ADORA2B: variants seen among roughly 807,000 people sequenced by gnomAD.
The protein encoded by ADORA2B is adenosine receptor A2b.
ADORA2B carries 18 observed loss-of-function variants against 20.8 expected under a neutral mutation model. The observed-to-expected ratio is 0.87, with a 90% CI of 0.60 to 1.29. ADORA2B has a LOEUF of 1.29. Ranked by LOEUF, ADORA2B falls within the 50% of genes most tolerant of loss-of-function variation. The probability of loss-of-function intolerance (pLI) is 0.00; values close to 1 mark genes in which losing one functional copy is unlikely to be tolerated. For synonymous variants in ADORA2B, 179 were observed against 178.3 expected (o/e 1.00, Z -0.03); for missense variants, 441 against 422.7 (o/e 1.04, Z -0.38).
chr17:15,885,255 T>A, the ADORA2B span, among the ~76,000 whole-genome samples: 2 of 152,210 alleles, frequency 1.3e-5, no homozygotes, highest in Non-Finnish European at 2.9e-5. Context: ...TGCCCACTTT[T>A]TAAAGGGGTT....
the ADORA2B span, among the ~76,000 whole-genome samples, chr17:15,878,221 T>C: frequency 6.6e-6 from 1 of 150,386 alleles, no homozygotes; most frequent in East Asian, 2.0e-4. Flanking sequence ...ACACATTATA[T>C]AAATACACAT....
chr17:15,924,665 A>G, the ADORA2B span, among the ~76,000 whole-genome samples: 1 of 151,952 alleles, frequency 6.6e-6, no homozygotes, highest in Non-Finnish European at 1.5e-5. Flanking sequence ...GCGTGAACCC[A>G]GGAGGTGGAG....
At chr17:15,895,556 G>A in the ADORA2B span, among the ~76,000 whole-genome samples, 1 of 152,184 alleles carries the variant, frequency 6.6e-6, no homozygotes, top group African/African-American at 2.4e-5. Flanking sequence ...CCATCTAATG[G>A]AGGTTCCTGA....
upstream of ADORA2B, among the ~76,000 whole-genome samples, chr17:15,944,121 G>A (rs545942038): frequency 7.0e-4 from 107 of 152,280 alleles, no homozygotes; most frequent in Non-Finnish European, 1.0e-3. The surrounding 1 kb of genome is among the most constrained non-coding windows in gnomAD (Gnocchi z 4.8). Flanking sequence ...GAAGGCTCAG[G>A]GTGTCAGCAA....
At chr17:15,937,412 T>A in the ADORA2B span, among the ~76,000 whole-genome samples, 1 of 152,192 alleles carries the variant, frequency 6.6e-6, no homozygotes, top group East Asian at 1.9e-4. Flanking sequence ...GGGTACACTT[T>A]CACCATTGAC....
chr17:15,944,499 G>T (rs1486021327), upstream of ADORA2B, among the ~76,000 whole-genome samples: 1 of 152,224 alleles, frequency 6.6e-6, no homozygotes, highest in African/African-American at 2.4e-5. The surrounding 1 kb of genome is among the most constrained non-coding windows in gnomAD (Gnocchi z 4.8). Context: ...AGAAGGCAGA[G>T]CGGGGCCGTA....
chr17:15,952,560 C>G (rs1008992888), intron 1 of ADORA2B, among the ~76,000 whole-genome samples: 2 of 152,162 alleles, frequency 1.3e-5, no homozygotes, highest in African/African-American at 4.8e-5. Context: ...CCCAAACACC[C>G]CCTTGATGAG....
chr17:15,965,406 A>G (rs540373735), intron 1 of ADORA2B, among the ~76,000 whole-genome samples: 206 of 152,258 alleles, frequency 1.4e-3, no homozygotes, highest in Non-Finnish European at 1.9e-3. Flanking sequence ...CCTTCAGTGG[A>G]AAGAGACAGA....
chr17:15,949,634 G>A (rs909825434), intron 1 of ADORA2B, among the ~76,000 whole-genome samples: 4 of 151,762 alleles, frequency 2.6e-5, no homozygotes, highest in Admixed American at 2.0e-4. Flanking sequence ...CATTTTGGGA[G>A]GCCGAGGCAG....
the ADORA2B span, among the ~76,000 whole-genome samples, chr17:15,879,336 T>C: frequency 2.4e-4 from 36 of 152,078 alleles, no homozygotes; most frequent in Middle Eastern, 3.4e-3. Flanking sequence ...GCCTGTAGTC[T>C]CAGGTACTTG....
In ADORA2B at chr17:15,975,382, C is replaced by T; in HGVS notation, c.*40C>T. 3.2e-6 allele frequency: 5 copies of T among 1,576,024 alleles called. No homozygotes were observed. Among genetic ancestry groups the T allele is most frequent in the Non-Finnish European group, 3.4e-6 (4 of 1,162,380 alleles). ...TCTTCCAGGAGAAGATACAAATCCA[C>T]AAGAAACAAAGAGGACACGGCTGGT... On this transcript the variant is annotated 3_prime_UTR_variant, in exon 2 of 2. Coordinates refer to ENST00000304222, the MANE Select transcript of ADORA2B (RefSeq NM_000676.4).
the ADORA2B span, among the ~76,000 whole-genome samples, chr17:15,912,029 A>G: frequency 1.3e-5 from 2 of 152,124 alleles, no homozygotes; most frequent in Non-Finnish European, 2.9e-5. Flanking sequence ...CCAGGCCAAC[A>G]TGGCAAAACC....
chr17:15,940,538 G>A (rs1300805549), upstream of ADORA2B, among the ~76,000 whole-genome samples: 1 of 152,222 alleles, frequency 6.6e-6, no homozygotes, highest in Admixed American at 6.5e-5. Context: ...CTCCTGATGT[G>A]TGCCATCTTT....
chr17:15,885,713 C>A, the ADORA2B span, among the ~76,000 whole-genome samples: 129 of 128,452 alleles, frequency 1.0e-3, no homozygotes, highest in South Asian at 9.8e-4. Context: ...GACTCCGTAT[C>A]AAAAAAAAAA....
intron 1 of ADORA2B, among the ~76,000 whole-genome samples, chr17:15,969,637 T>C (rs1473524191): frequency 6.6e-6 from 1 of 152,186 alleles, no homozygotes; most frequent in Non-Finnish European, 1.5e-5. Context: ...CCTCCAGTCT[T>C]CATCTTCCTG....
At chr17:15,867,720 G>A in the ADORA2B span, among the ~76,000 whole-genome samples, 1 of 150,190 alleles carries the variant, frequency 6.7e-6, no homozygotes, top group Admixed American at 6.6e-5. Context: ...GAGGTGAGGG[G>A]CGCCTCTGCC....
the ADORA2B span, among the ~76,000 whole-genome samples, chr17:15,853,642 T>C: frequency 3.9e-5 from 6 of 152,288 alleles, no homozygotes; most frequent in East Asian, 1.9e-4. Context: ...GAAATCCTGA[T>C]AGTCTGTAAT....
At chr17:15,932,819 T>C in the ADORA2B span, among the ~76,000 whole-genome samples, 3 of 152,158 alleles carry the variant, frequency 2.0e-5, no homozygotes, top group South Asian at 4.1e-4. Context: ...TCTGCCCTTA[T>C]GCCAGCACCA....
At chr17:15,925,386 C>T in the ADORA2B span, among the ~76,000 whole-genome samples, 13 of 152,100 alleles carry the variant, frequency 8.5e-5, no homozygotes, top group East Asian at 1.9e-4. Flanking sequence ...TGGCCTCAAG[C>T]GATCCTGCTA....
Sources: gnomAD v4.1 joint callset for allele counts (sites outside exome capture counted in the v4.1 genomes callset) on GRCh38, gnomAD v4.1.1 for gene constraint, Gnocchi (gnomAD v3.1) non-coding constraint, MANE v1.5 for transcripts, NCBI Gene and HGNC (gene_info 2026-07-23, HGNC 2026-07-21) for gene names.